Variants in HSPBAP1 observed in about 807,000 individuals in gnomAD.
HSPBAP1 encodes the protein HSPB1 associated protein 1.
In HSPBAP1, 27 loss-of-function variants were observed where a neutral mutation model predicts 45.2. That is an observed-to-expected ratio of 0.60 (90% confidence interval 0.44 to 0.82). HSPBAP1 has a LOEUF of 0.82. Among genes scored for constraint, HSPBAP1 ranks in the 40% least tolerant of loss-of-function variants. The probability of loss-of-function intolerance (pLI) is 0.00; values close to 1 mark genes in which losing one functional copy is unlikely to be tolerated. For missense variants in HSPBAP1, 510 were observed against 590.9 expected (o/e 0.86, Z 1.42); for synonymous variants, 204 against 202.7 (o/e 1.01, Z -0.06).
chr3:122,754,396 T>C (rs1016961941), intron 5 of HSPBAP1: 13 of 276,492 alleles, frequency 4.7e-5, no homozygotes, highest in Non-Finnish European at 6.1e-5. Flanking sequence ...AGGCCCTGTA[T>C]TATAATATTG....
intron 1 of HSPBAP1, among the ~76,000 whole-genome samples, chr3:122,790,531 C>A (rs1935792750): frequency 6.6e-6 from 1 of 152,118 alleles, no homozygotes; most frequent in African/African-American, 2.4e-5. Context: ...TAGGATATGT[C>A]TTATACTACT....
intron 1 of HSPBAP1, among the ~76,000 whole-genome samples, chr3:122,787,666 G>A (rs999858505): frequency 7.9e-5 from 12 of 152,150 alleles, no homozygotes; most frequent in Non-Finnish European, 2.9e-5. Flanking sequence ...ACATCTAAGT[G>A]TATATATGGT....
At chr3:122,759,405 C>G in intron 3 of HSPBAP1, 45 bp from the exon 4 acceptor site, 1 of 1,588,160 alleles carries the variant, frequency 6.3e-7, no homozygotes. Flanking sequence ...TAACCAACTT[C>G]TCTGTATGGT....
chr3:122,760,409 G>A (rs1934531994), intron 3 of HSPBAP1, among the ~76,000 whole-genome samples: 1 of 151,446 alleles, frequency 6.6e-6, no homozygotes, highest in Admixed American at 6.6e-5. Context: ...CGTTCTCAAT[G>A]CTGACACTCC....
intron 6 of HSPBAP1, 68 bp from the exon 7 acceptor site, chr3:122,741,181 G>A: frequency 8.7e-7 from 1 of 1,150,112 alleles, no homozygotes; most frequent in Non-Finnish European, 1.3e-6. Context: ...AATAAAGTCT[G>A]TTTTAATTTC....
intron 5 of HSPBAP1, chr3:122,753,358 T>A (rs191753357): frequency 2.4e-6 from 2 of 817,604 alleles, no homozygotes; most frequent in Admixed American, 1.3e-4. Flanking sequence ...GGAGATAAGG[T>A]AGGGGAATTA....
At chr3:122,774,913 T>C (rs1935135848) in intron 2 of HSPBAP1, among the ~76,000 whole-genome samples, 1 of 152,242 alleles carries the variant, frequency 6.6e-6, no homozygotes, top group Non-Finnish European at 1.5e-5. Context: ...GTAACTCTCC[T>C]TCTAGGTATC....
intron 3 of HSPBAP1, among the ~76,000 whole-genome samples, chr3:122,763,779 G>T (rs1934681264): frequency 6.6e-6 from 1 of 152,154 alleles, no homozygotes; most frequent in African/African-American, 2.4e-5. Context: ...TCATACTCCA[G>T]ATTAAAATTA....
chr3:122,756,698 TAAAA>T (rs755437040), intron 4 of HSPBAP1, among the ~76,000 whole-genome samples: 2 of 115,126 alleles, frequency 1.7e-5, no homozygotes, highest in Non-Finnish European at 1.9e-5. Flanking sequence ...ACCTTGTATC[TAAAA>T]AAAAAAAAAA....
chr3:122,742,835 C>A lies in HSPBAP1; in HGVS notation c.826-1722G>T, dbSNP rs774886872. Among the ~76,000 whole-genome samples, 8 of 152,326 alleles carry A rather than the reference C, an allele frequency of 5.3e-5. No homozygotes were observed. In the South Asian group the frequency reaches 1.2e-3, roughly 24 times the overall value. ...CAAATTTCAGACATGCCAGCCACTA[C>A]AATCAAGTAAGCCCATTCCTTAAAG... On this transcript the variant is annotated intron_variant, in intron 6 of 7. Transcript: ENST00000306103.
chr3:122,790,984 A>G (rs1935810520), intron 1 of HSPBAP1, among the ~76,000 whole-genome samples: 1 of 152,168 alleles, frequency 6.6e-6, no homozygotes, highest in Admixed American at 6.5e-5. Flanking sequence ...TTCAGTTTCA[A>G]CATCAGTTAC....
intron 1 of HSPBAP1, among the ~76,000 whole-genome samples, chr3:122,784,476 T>C (rs1935589596): frequency 6.6e-6 from 1 of 152,148 alleles, no homozygotes; most frequent in Admixed American, 6.5e-5. Context: ...TACTAAATTA[T>C]GACAAGGCAA....
At chr3:122,778,381 T>C (rs1416141706) in intron 1 of HSPBAP1, among the ~76,000 whole-genome samples, 1 of 151,982 alleles carries the variant, frequency 6.6e-6, no homozygotes, top group African/African-American at 2.4e-5. Flanking sequence ...ATTGGTTGCC[T>C]ATAGACTACA....
At chr3:122,757,305 T>A (rs188551938) in intron 4 of HSPBAP1, among the ~76,000 whole-genome samples, 115 of 152,300 alleles carry the variant, frequency 7.6e-4, no homozygotes, top group African/African-American at 2.6e-3. Flanking sequence ...GTCTACTCCC[T>A]CTGTCTCCAA....
rs780162110 is a variant in HSPBAP1, at chr3:122,755,709, C to T, written c.570-278G>A. Among the ~76,000 whole-genome samples, 60 of 151,546 alleles carry T rather than the reference C, an allele frequency of 4.0e-4. 1 individual carries two copies. Among genetic ancestry groups the T allele is most frequent in the Non-Finnish European group, 5.3e-4 (36 of 67,892 alleles). ...TACATTGCTGGGATAGAATCTAGTT[C>T]ATAAGATCATTCTTTCTTATCTCAA... is the stretch of plus-strand genomic sequence containing the variant. On this transcript the variant is annotated intron_variant, in intron 4 of 7. Transcript: ENST00000306103.
chr3:122,752,834 C>G, intron 5 of HSPBAP1, 160 bp from the exon 6 acceptor site: 1 of 1,386,258 alleles, frequency 7.2e-7, no homozygotes, highest in Non-Finnish European at 9.3e-7. Flanking sequence ...CCCCGCAAAC[C>G]TTTTTTCCTT....
At chr3:122,768,938 TG>T (rs1463472211) in intron 2 of HSPBAP1, 56 bp from the exon 3 acceptor site, 13 of 1,155,884 alleles carry the variant, frequency 1.1e-5, no homozygotes, top group East Asian at 7.6e-5. Context: ...TCCTAATTAT[TG>T]TTTTTTTTTT....
intron 3 of HSPBAP1, among the ~76,000 whole-genome samples, chr3:122,762,449 C>T (rs1053820627): frequency 6.6e-6 from 1 of 152,092 alleles, no homozygotes; most frequent in Non-Finnish European, 1.5e-5. Context: ...GCACATCATA[C>T]CATTAATGCA....
intron 6 of HSPBAP1, among the ~76,000 whole-genome samples, chr3:122,748,351 C>G (rs1163110056): frequency 6.6e-6 from 1 of 150,904 alleles, no homozygotes; most frequent in Non-Finnish European, 1.5e-5. Context: ...AAATCCCCCT[C>G]TGTGAGAAAC....
Sources: allele counts gnomAD v4.1 joint callset (sites outside exome capture counted in the v4.1 genomes callset), GRCh38; gene constraint gnomAD v4.1.1; transcripts MANE v1.5; gene names NCBI Gene and HGNC (gene_info 2026-07-23, HGNC 2026-07-21).